The following TBCB variants were observed in gnomAD, a reference collection of about 807,000 sequenced individuals.
The protein encoded by TBCB is tubulin folding cofactor B, also known as tubulin-folding cofactor B.
A neutral mutation model predicts 29.2 loss-of-function variants in TBCB; 18 were observed. The ratio of observed to expected loss-of-function variants is 0.62; its 90% CI spans 0.43 to 0.91. The LOEUF (loss-of-function observed/expected upper bound fraction) is 0.91, where lower values mean the gene tolerates loss of function less well. Among genes scored for constraint, TBCB ranks in the 40% least tolerant of loss-of-function variants. The pLI, the probability that TBCB is intolerant of heterozygous loss-of-function variation, is 0.00. For missense variants in TBCB, 336 were observed against 337.6 expected (o/e 1.00, Z 0.04); for synonymous variants, 172 against 137.8 (o/e 1.25, Z -1.74).
rs567950881 is a variant in TBCB at position 36,121,888 on chromosome 19, C to T, written c.547+170C>T. On this transcript the variant is annotated intron_variant, in intron 4 of 5. Transcript: ENST00000221855. Reference sequence around the variant, plus strand: ...TGACGGAACCATCTGCCGACACTGACGGCCCAGAGTGTTTGTGGAGGGAAG... The same window carrying T: ...TGACGGAACCATCTGCCGACACTGATGGCCCAGAGTGTTTGTGGAGGGAAG... The T allele has an allele frequency of 1.4e-4, 120 of 862,986 alleles. 4 individuals are homozygous for T. The South Asian group carries it at 1.9e-3, about 14-fold the overall frequency. The allele number at this position is 862,986 out of a possible 1,614,324, so 53.5% of individuals were successfully genotyped here.
chr19:36,115,148 G>A (rs1249545257), upstream of TBCB: 10 of 570,996 alleles, frequency 1.8e-5, no homozygotes, highest in Non-Finnish European at 3.1e-5. Flanking sequence ...ATCGTAAACC[G>A]CAAAACACTG....
At position 36,120,742 on chromosome 19, in the gene TBCB, G is replaced by C. The variant is rs376057216; in HGVS notation, c.291G>C (p.Glu97Asp). The part of the protein sequence containing the change: ...VIDHSGARLG[E>D]YEDVSRVEKY... ...ACCACAGTGGCGCCCGCCTTGGTGA[G>C]TATGAGGACGTGTCCCGGGTGGAGA... Residue 97 changes from glutamate to aspartate, a missense_variant, in exon 3 of 6, where the codon GAG becomes GAC. By Grantham distance (45) the Glu-to-Asp change is conservative. Transcript: ENST00000221855. 31 of 1,614,032 alleles carry C rather than the reference G, an allele frequency of 1.9e-5. No individual in the cohort carries two copies. Among genetic ancestry groups the C allele is most frequent in the Non-Finnish European group, 2.5e-5 (29 of 1,180,028 alleles).
chr19:36,119,362 C>T (rs1193377440), intron 2 of TBCB, among the ~76,000 whole-genome samples: 2 of 152,170 alleles, frequency 1.3e-5, no homozygotes, highest in African/African-American at 4.8e-5. Flanking sequence ...CTTGGGCCCG[C>T]TCTCTCCCTC....
rs1478491354 is a variant in TBCB at position 36,120,797 on chromosome 19, C to A, written c.346C>A (p.Gln116Lys). 1 of 1,613,946 alleles carries A rather than the reference C, an allele frequency of 6.2e-7. No homozygotes were observed. The highest frequency in any genetic ancestry group is 1.3e-5 in the African/African-American group (1 of 74,974). The change falls in exon 3 of 6, where the codon CAG becomes AAG. Residue 116 changes from glutamine (Q) to lysine (K), a missense_variant. Coordinates refer to ENST00000221855, the MANE Select transcript of TBCB (RefSeq NM_001281.3). ...KYTISQEAYD[Q>K]RQDTVRSFLK... ...CACGATCTCACAAGAAGCCTACGAC[C>A]AGAGGCAAGGTACGGGCAGGTGGGC...
At chr19:36,115,736 G>T in intron 1 of TBCB, 62 bp downstream of exon 1, 1 of 1,372,452 alleles carries the variant, frequency 7.3e-7, no homozygotes, top group South Asian at 1.3e-5. Context: ...TTCCCGGAAG[G>T]GGGAGGCTGG....
chr19:36,114,987 C>A, upstream of TBCB: 1 of 886,104 alleles, frequency 1.1e-6, no homozygotes, highest in Non-Finnish European at 1.8e-6. This position sits in a 1 kb window ranked among gnomAD's most constrained non-coding sequence, Gnocchi z 4.5. Context: ...TGGCTCCCCG[C>A]CGCCTCGGGC....
At chr19:36,122,928 A>G (rs1974079751) in intron 4 of TBCB, among the ~76,000 whole-genome samples, 1 of 152,056 alleles carries the variant, frequency 6.6e-6, no homozygotes, top group African/African-American at 2.4e-5. Context: ...TGGCATCCCC[A>G]CTGTCTGGTA....
At chr19:36,124,851 A>G (rs8100250) in intron 4 of TBCB, among the ~76,000 whole-genome samples, 62,201 of 151,958 alleles carry the variant, frequency 0.41, 13,010 homozygotes, top group Middle Eastern at 0.48. Flanking sequence ...CCAGTATGTC[A>G]TCTTTTGAGA....
At chr19:36,115,945 G>C in intron 1 of TBCB, 96 bp from the exon 2 acceptor site, 2 of 1,528,572 alleles carry the variant, frequency 1.3e-6, no homozygotes, top group Non-Finnish European at 8.9e-7. Flanking sequence ...CCTGACTGGG[G>C]GGTCTTTTGG....
intron 2 of TBCB, chr19:36,118,726 G>C (rs900858195): frequency 6.6e-6 from 1 of 151,342 alleles, no homozygotes; most frequent in Non-Finnish European, 1.5e-5. Context: ...GGGAAGGGGT[G>C]CCCTAGGAGT....
At chr19:36,120,627 T>TGGA in intron 2 of TBCB, 83 bp from the exon 3 acceptor site, 2 of 1,173,564 alleles carry the variant, frequency 1.7e-6, no homozygotes, top group Non-Finnish European at 2.5e-6. Context: ...TTTTCCCAGA[T>TGGA]GGAGACACTG....
intron 4 of TBCB, among the ~76,000 whole-genome samples, chr19:36,122,680 G>A (rs563155940): frequency 8.6e-5 from 13 of 151,336 alleles, no homozygotes; most frequent in Non-Finnish European, 1.8e-4. Context: ...GCTTGAGCCC[G>A]GGAGTTGAGG....
At chr19:36,122,013 G>A (rs1599865727) in intron 4 of TBCB, 1 of 496,586 alleles carries the variant, frequency 2.0e-6, no homozygotes, top group South Asian at 2.2e-5. Flanking sequence ...GTCAGTCGCG[G>A]TGGGGAAACG....
At chr19:36,118,682 A>G (rs1973996436) in intron 2 of TBCB, 1 of 98,998 alleles carries the variant, frequency 1.0e-5, no homozygotes, top group South Asian at 4.3e-4. Context: ...CCTATCTTTA[A>G]AAAAAAAAAA....
At chr19:36,118,309 A>G (rs1973989724) in intron 2 of TBCB, among the ~76,000 whole-genome samples, 1 of 152,124 alleles carries the variant, frequency 6.6e-6, no homozygotes. Context: ...GAGATCATGA[A>G]GCTGGGAGAC....
At chr19:36,115,139 T>G (rs1973922077), upstream of TBCB, 2 of 572,668 alleles carry the variant, frequency 3.5e-6, no homozygotes, top group Non-Finnish European at 6.2e-6. Context: ...ACGATGCGCA[T>G]CGTAAACCGC....
upstream of TBCB, chr19:36,115,435 C>T: frequency 2.9e-6 from 2 of 687,040 alleles, no homozygotes; most frequent in South Asian, 1.8e-5. Context: ...GGCAGGAGAG[C>T]GCGGATTGGT....
At chr19:36,116,270 A>G (rs1414334012) in intron 2 of TBCB, 86 bp downstream of exon 2, 11 of 1,546,004 alleles carry the variant, frequency 7.1e-6, no homozygotes. Context: ...GCCCTCAGTC[A>G]TACCCGAGAT....
rs58457494 is a variant in TBCB, at chr19:36,116,052, G to A, written c.126G>A (p.Glu42=). The change falls in exon 2 of 6, where the codon GAG becomes GAA. Residue 42 remains glutamate, a synonymous_variant. Coordinates refer to ENST00000221855, the MANE Select transcript of TBCB (RefSeq NM_001281.3). ...CCTCCTCCTCACAGTGTAAACTGGA[G>A]TTGCTGGTGGGCAGCCCTGCTTCCT... ...LTIAEFKCKL[E]LLVGSPASCM... 2 of 1,614,112 alleles carry A rather than the reference G, an allele frequency of 1.2e-6. No individual in the cohort carries two copies. The highest frequency in any genetic ancestry group is 8.5e-7 in the Non-Finnish European group (1 of 1,179,968).
Sources: gnomAD v4.1 joint callset for allele counts (sites outside exome capture counted in the v4.1 genomes callset) on GRCh38, gnomAD v4.1.1 for gene constraint, Gnocchi (gnomAD v3.1) non-coding constraint, MANE v1.5 for transcripts, NCBI Gene and HGNC (gene_info 2026-07-23, HGNC 2026-07-21) for gene names.